The following B3GALT1 variants were observed in gnomAD, a reference collection of about 807,000 sequenced individuals.
The protein encoded by B3GALT1 is beta-1,3-galactosyltransferase 1.
B3GALT1 carries 10 observed loss-of-function variants against 23.2 expected under a neutral mutation model. The ratio of observed to expected loss-of-function variants is 0.43; its 90% confidence interval spans 0.27 to 0.73. The LOEUF is 0.73. Among genes scored for constraint, B3GALT1 ranks in the 30% least tolerant of loss-of-function variants. The pLI is 0.21. For missense variants in B3GALT1, 299 were observed against 405.4 expected (o/e 0.74, Z 2.25); for synonymous variants, 156 against 141.5 (o/e 1.10, Z -0.73).
chr2:167,355,914 G>T (rs1559073780), intron 1 of B3GALT1, among the ~76,000 whole-genome samples: 1 of 152,136 alleles, frequency 6.6e-6, no homozygotes, highest in Non-Finnish European at 1.5e-5. Context: ...TTACAAGGGT[G>T]GTAAGGATGG....
chr2:167,683,415 G>A (rs1463151), intron 3 of B3GALT1, among the ~76,000 whole-genome samples: 119,375 of 152,042 alleles, frequency 0.79, 47,174 homozygotes, highest in East Asian at 0.84. Flanking sequence ...GATTTGGTAT[G>A]AAGTCATAGC....
At chr2:167,808,124 C>A (rs1490888474) in intron 3 of B3GALT1, among the ~76,000 whole-genome samples, 1 of 151,514 alleles carries the variant, frequency 6.6e-6, no homozygotes, top group Non-Finnish European at 1.5e-5. Flanking sequence ...AGGATTGCAA[C>A]CCCTGCCTTT....
chr2:167,440,031 A>G (rs977142319), intron 1 of B3GALT1, among the ~76,000 whole-genome samples: 4 of 151,742 alleles, frequency 2.6e-5, no homozygotes, highest in African/African-American at 9.7e-5. Context: ...GTTTTGTTTT[A>G]TTTTGAAAAA....
At chr2:167,459,030 G>C (rs762596195) in intron 1 of B3GALT1, among the ~76,000 whole-genome samples, 47 of 152,072 alleles carry the variant, frequency 3.1e-4, no homozygotes, top group Non-Finnish European at 6.3e-4. Context: ...GTCATCTGTA[G>C]ACAGAATGTA....
intron 1 of B3GALT1, among the ~76,000 whole-genome samples, chr2:167,464,759 TATG>T (rs1466042638): frequency 1.3e-5 from 2 of 152,160 alleles, no homozygotes; most frequent in African/African-American, 4.8e-5. Context: ...GAGGAATAGA[TATG>T]AGATGCTGAG....
At chr2:167,314,606 T>C (rs1198515816) in intron 1 of B3GALT1, among the ~76,000 whole-genome samples, 3 of 152,216 alleles carry the variant, frequency 2.0e-5, no homozygotes, top group Admixed American at 6.5e-5. Flanking sequence ...TTTACCATTT[T>C]AAATTAGTCA....
At chr2:167,728,760 A>G (rs771846524) in intron 3 of B3GALT1, among the ~76,000 whole-genome samples, 34 of 152,146 alleles carry the variant, frequency 2.2e-4, no homozygotes, top group Non-Finnish European at 3.8e-4. Flanking sequence ...ATATTGTTTA[A>G]TTGTATACAG....
intron 2 of B3GALT1, among the ~76,000 whole-genome samples, chr2:167,563,808 A>G (rs1270322844): frequency 1.7e-3 from 108 of 62,472 alleles, no homozygotes; most frequent in Middle Eastern, 0.03. Context: ...CCCCGGAGGG[A>G]GCGGCTGGCC....
rs367644631 is a variant in B3GALT1, at chr2:167,679,229, C to T, written c.-352+32263C>T. ...CGCCTCCCGGGTTCAAGCAATTCTCCTGCCTCAGCCTCCTGAGTAGCTGGG... is the reference window on the plus strand; with the variant it reads ...CGCCTCCCGGGTTCAAGCAATTCTCTTGCCTCAGCCTCCTGAGTAGCTGGG... On this transcript the variant is annotated intron_variant, in intron 3 of 4. Coordinates refer to ENST00000392690, the MANE Select transcript of B3GALT1 (RefSeq NM_020981.4). Among the ~76,000 whole-genome samples, 3 of 152,230 alleles carry T rather than the reference C, an allele frequency of 2.0e-5. No individual in the cohort carries two copies. In the East Asian group the frequency reaches 5.8e-4, roughly 29 times the overall value.
intron 2 of B3GALT1, among the ~76,000 whole-genome samples, chr2:167,599,941 G>A (rs1684844424): frequency 6.6e-6 from 1 of 152,086 alleles, no homozygotes; most frequent in Non-Finnish European, 1.5e-5. Flanking sequence ...ACAGCAATAA[G>A]CAAAAATGAA....
chr2:167,336,759 A>G lies in B3GALT1; in HGVS notation c.-511+43425A>G, dbSNP rs948988039. Among the ~76,000 whole-genome samples, 4 of 152,166 alleles carry G rather than the reference A, an allele frequency of 2.6e-5. No individual in the cohort carries two copies. The South Asian group carries it at 8.3e-4, about 32-fold the overall frequency. The stretch of plus-strand genomic sequence containing the variant: ...TATTTATTTATAAATTTATTTATTT[A>G]TGGTATATATTGATTTTTTCTTAAA... On this transcript the variant is annotated intron_variant, in intron 1 of 4. Coordinates refer to ENST00000392690, the MANE Select transcript of B3GALT1 (RefSeq NM_020981.4).
chr2:167,536,767 C>T (rs747551779), intron 2 of B3GALT1, among the ~76,000 whole-genome samples: 1 of 152,250 alleles, frequency 6.6e-6, no homozygotes, highest in Admixed American at 6.5e-5. Context: ...CCAGGCCCCT[C>T]CACTCTGCTG....
At chr2:167,846,288 A>G (rs996524356) in intron 4 of B3GALT1, among the ~76,000 whole-genome samples, 4 of 152,196 alleles carry the variant, frequency 2.6e-5, no homozygotes, top group Non-Finnish European at 5.9e-5. Context: ...TCACCTAGGC[A>G]CATTGTCATC....
At chr2:167,397,548 C>G (rs919927805) in intron 1 of B3GALT1, among the ~76,000 whole-genome samples, 5 of 152,082 alleles carry the variant, frequency 3.3e-5, no homozygotes, top group Non-Finnish European at 5.9e-5. Flanking sequence ...TGAATGTAAA[C>G]AGATTCTTGG....
chr2:167,841,285 G>GTGTT (rs1689644731), intron 4 of B3GALT1, among the ~76,000 whole-genome samples: 1 of 151,590 alleles, frequency 6.6e-6, no homozygotes, highest in African/African-American at 2.4e-5. Context: ...CTGCCCCAGG[G>GTGTT]TGTTAGAGCA....
At chr2:167,563,934 G>A (rs1329167152) in intron 2 of B3GALT1, among the ~76,000 whole-genome samples, 2 of 43,558 alleles carry the variant, frequency 4.6e-5, no homozygotes, top group Non-Finnish European at 4.4e-5. Flanking sequence ...CCCAGACGGG[G>A]CGGCTGGCCA....
intron 3 of B3GALT1, among the ~76,000 whole-genome samples, chr2:167,679,702 A>G (rs1334021846): frequency 6.6e-6 from 1 of 152,220 alleles, no homozygotes; most frequent in Non-Finnish European, 1.5e-5. Context: ...ACAGTGAGCA[A>G]AGTCACCCAT....
At chr2:167,677,583 A>G (rs969033922) in intron 3 of B3GALT1, among the ~76,000 whole-genome samples, 12 of 152,122 alleles carry the variant, frequency 7.9e-5, no homozygotes, top group African/African-American at 1.2e-4. Context: ...GAACCCCTCA[A>G]TCACTATAGA....
chr2:167,678,002 G>T (rs1037221015), intron 3 of B3GALT1, among the ~76,000 whole-genome samples: 1 of 152,140 alleles, frequency 6.6e-6, no homozygotes, highest in Non-Finnish European at 1.5e-5. Context: ...CTTCCAGGAG[G>T]TCCCTCCCCC....
Sources: allele counts gnomAD v4.1 joint callset (sites outside exome capture counted in the v4.1 genomes callset), GRCh38; gene constraint gnomAD v4.1.1; transcripts MANE v1.5; gene names NCBI Gene and HGNC (gene_info 2026-07-23, HGNC 2026-07-21).